The following CACNA2D2 variants were observed in gnomAD, a reference collection of about 807,000 sequenced individuals.
CACNA2D2 encodes voltage-dependent calcium channel subunit alpha-2/delta-2.
CACNA2D2 carries 48 observed loss-of-function variants against 166.4 expected under a neutral mutation model. The ratio of observed to expected loss-of-function variants is 0.29; its 90% CI spans 0.23 to 0.37. The LOEUF is 0.37. CACNA2D2 is among the 10% of genes least tolerant of loss of function. CACNA2D2 has a pLI of 1.00. For synonymous variants in CACNA2D2, 561 were observed against 573.7 expected (o/e 0.98, Z 0.32); for missense variants, 1,122 against 1,433.0 (o/e 0.78, Z 3.50).
At chr3:50,457,273 G>GAAAC (rs375102243) in intron 2 of CACNA2D2, among the ~76,000 whole-genome samples, 2 of 150,816 alleles carry the variant, frequency 1.3e-5, no homozygotes, top group African/African-American at 4.9e-5. Context: ...CAAACAAACA[G>GAAAC]AAACAAACAA....
At chr3:50,392,701 C>T (rs1335578878) in intron 4 of CACNA2D2, among the ~76,000 whole-genome samples, 1 of 152,196 alleles carries the variant, frequency 6.6e-6, no homozygotes, top group Non-Finnish European at 1.5e-5. Flanking sequence ...TGCAGTGATT[C>T]CTTCACACCC....
intron 3 of CACNA2D2, among the ~76,000 whole-genome samples, chr3:50,411,170 T>G (rs985386401): frequency 6.6e-6 from 1 of 152,228 alleles, no homozygotes; most frequent in Non-Finnish European, 1.5e-5. Flanking sequence ...ATGACCTGTC[T>G]GGCCCTCACC....
chr3:50,418,007 T>G (rs1375385923), intron 3 of CACNA2D2, among the ~76,000 whole-genome samples: 1 of 152,052 alleles, frequency 6.6e-6, no homozygotes, highest in Non-Finnish European at 1.5e-5. Flanking sequence ...CCTGCCTGTA[T>G]CAGGTTTGGA....
At chr3:50,454,341 G>A (rs1322392944) in intron 2 of CACNA2D2, among the ~76,000 whole-genome samples, 2 of 152,224 alleles carry the variant, frequency 1.3e-5, no homozygotes, top group Non-Finnish European at 2.9e-5. Context: ...GTTGGGCGTT[G>A]ATGGGGGAGA....
chr3:50,478,000 C>G (rs996229572), intron 1 of CACNA2D2, among the ~76,000 whole-genome samples: 4 of 151,932 alleles, frequency 2.6e-5, no homozygotes, highest in African/African-American at 9.7e-5. Flanking sequence ...GAGCAGGAGG[C>G]AGGCAGATCA....
Position 50,503,221 on chromosome 3 carries a change from T to G in CACNA2D2, c.203A>C (p.His68Pro), listed in dbSNP as rs1699058086. ...GASAYSFPQQ[H>P]TMQHWARRLE... ...GCGGCCGGCCGAGGCCACTTACGTG[T>G]GCTGCTGGGGGAAGCTGTAGGCAGA... The change falls in exon 1 of 38, where the codon CAC (histidine) becomes CCC (proline). Residue 68 changes from histidine to proline, a missense_variant. By Grantham distance (77) the His-to-Pro change is moderately conservative. Transcript: ENST00000424201. The G allele has an allele frequency of 4.2e-6, 5 of 1,192,192 alleles. No individual in the cohort carries two copies. The highest frequency in any genetic ancestry group is 5.2e-6 in the Non-Finnish European group (5 of 961,786). The allele number at this position is 1,192,192 out of a possible 1,614,324, so 73.9% of individuals were successfully genotyped here.
At chr3:50,390,822 G>C (rs1705851470) in intron 4 of CACNA2D2, among the ~76,000 whole-genome samples, 1 of 152,210 alleles carries the variant, frequency 6.6e-6, no homozygotes, top group Admixed American at 6.5e-5. Context: ...TGAGCACGGG[G>C]TGAGCGGGGG....
intron 4 of CACNA2D2, among the ~76,000 whole-genome samples, chr3:50,389,149 G>C (rs1270058986): frequency 6.6e-6 from 1 of 152,216 alleles, no homozygotes; most frequent in Non-Finnish European, 1.5e-5. Flanking sequence ...TGCAGCCCCG[G>C]TGGGCCTGGG....
intron 4 of CACNA2D2, among the ~76,000 whole-genome samples, chr3:50,391,343 C>T (rs1705877548): frequency 6.6e-6 from 1 of 152,242 alleles, no homozygotes; most frequent in African/African-American, 2.4e-5. Flanking sequence ...CCCTCCCCTT[C>T]CCACGCCCTG....
chr3:50,394,231 A>G (rs1262575891), intron 3 of CACNA2D2, 63 bp from the exon 4 acceptor site: 4 of 1,376,210 alleles, frequency 2.9e-6, no homozygotes. Context: ...TGCCCACCCC[A>G]AAGCCTCTCC....
At chr3:50,446,192 C>T (rs930508411) in intron 2 of CACNA2D2, among the ~76,000 whole-genome samples, 2 of 152,254 alleles carry the variant, frequency 1.3e-5, no homozygotes, top group Admixed American at 6.5e-5. Context: ...GGTGTGCCAC[C>T]TCCTTGTTGC....
chr3:50,365,292 C>A lies in CACNA2D2; in HGVS notation c.3098+64G>T. On this transcript the variant is annotated intron_variant, in intron 35 of 37. Coordinates refer to ENST00000424201, the MANE Select transcript of CACNA2D2 (RefSeq NM_006030.4). The surrounding 1 kb of genome is among the most constrained non-coding windows in gnomAD (Gnocchi z 4.5). Reference sequence around the variant, plus strand: ...CGGAGGCCCCGCCCCTTCCATCCTCCCGAGCGTCTCGCCCCGCTCACAGGT... The same window carrying A: ...CGGAGGCCCCGCCCCTTCCATCCTCACGAGCGTCTCGCCCCGCTCACAGGT... 1.3e-6 allele frequency: 2 copies of A among 1,596,984 alleles called. No homozygotes were observed. Among genetic ancestry groups the A allele is most frequent in the South Asian group, 2.2e-5 (2 of 89,676 alleles).
intron 2 of CACNA2D2, among the ~76,000 whole-genome samples, chr3:50,453,688 CACG>C (rs1192988000): frequency 7.2e-5 from 11 of 152,090 alleles, no homozygotes; most frequent in Non-Finnish European, 1.5e-5. Flanking sequence ...CCACCATCCT[CACG>C]ACTTCTGGCA....
chr3:50,412,020 G>C lies in CACNA2D2; in HGVS notation c.406-17852C>G, dbSNP rs533776174. On this transcript the variant is annotated intron_variant, in intron 3 of 37. Coordinates refer to ENST00000424201, the MANE Select transcript of CACNA2D2 (RefSeq NM_006030.4). ...CCACGCTGGGCTTCTCCTCTGGTTA[G>C]AACACAAAACACTGGGTAGGTCTCC... is the stretch of plus-strand genomic sequence containing the variant. Among the ~76,000 whole-genome samples, 3 of 152,326 alleles carry C rather than the reference G, an allele frequency of 2.0e-5. No individual in the cohort carries two copies. In the South Asian group the frequency reaches 6.2e-4, roughly 32 times the overall value.
At chr3:50,502,123 G>A (rs1698993006) in intron 1 of CACNA2D2, among the ~76,000 whole-genome samples, 1 of 152,198 alleles carries the variant, frequency 6.6e-6, no homozygotes, top group Non-Finnish European at 1.5e-5. Context: ...CCCTTGGGCA[G>A]AGCTGGTTTA....
intron 1 of CACNA2D2, among the ~76,000 whole-genome samples, chr3:50,478,607 G>A (rs141380538): frequency 6.6e-6 from 1 of 152,338 alleles, no homozygotes; most frequent in Non-Finnish European, 1.5e-5. Flanking sequence ...TTACAAAGAA[G>A]CAAACATTAT....
chr3:50,436,325 G>C (rs1708318306), intron 2 of CACNA2D2, among the ~76,000 whole-genome samples: 1 of 152,202 alleles, frequency 6.6e-6, no homozygotes, highest in Non-Finnish European at 1.5e-5. Flanking sequence ...GTCATTACCA[G>C]GTGCAGCCAC....
chr3:50,410,240 G>C (rs1028582297), intron 3 of CACNA2D2, among the ~76,000 whole-genome samples: 4 of 152,308 alleles, frequency 2.6e-5, no homozygotes, highest in Admixed American at 2.0e-4. Context: ...AGAAACTCTG[G>C]GACAGGACCA....
chr3:50,397,176 C>T (rs1321573948), intron 3 of CACNA2D2, among the ~76,000 whole-genome samples: 1 of 152,216 alleles, frequency 6.6e-6, no homozygotes, highest in Non-Finnish European at 1.5e-5. Context: ...TCATGGAATC[C>T]CATGGGCTCA....
Sources: allele counts gnomAD v4.1 joint callset (sites outside exome capture counted in the v4.1 genomes callset), GRCh38; gene constraint gnomAD v4.1.1; non-coding constraint Gnocchi (gnomAD v3.1); transcripts MANE v1.5; gene names NCBI Gene and HGNC (gene_info 2026-07-23, HGNC 2026-07-21).